Variants in DCDC1 observed in about 807,000 individuals in gnomAD.
DCDC1 encodes the protein doublecortin domain-containing protein 1.
Under a neutral mutation model 178.3 loss-of-function variants are expected in DCDC1, and 200 were observed. That is an observed-to-expected ratio of 1.12 (90% CI 1.00 to 1.26). The LOEUF is 1.26. Among genes scored for constraint, DCDC1 ranks in the 50% most tolerant of loss-of-function variants. The pLI is 0.00. For synonymous variants in DCDC1, 690 were observed against 604.8 expected, an observed-to-expected ratio of 1.14 and a Z score of -2.07; for missense variants, 1,983 against 1,749.2, an observed-to-expected ratio of 1.13 and a Z score of -2.38.
intron 9 of DCDC1, among the ~76,000 whole-genome samples, chr11:31,156,639 T>C (rs1965744849): frequency 6.6e-6 from 1 of 152,224 alleles, no homozygotes. Context: ...GTGTGAATTT[T>C]ACATTTGCAA....
intron 27 of DCDC1, 63 bp downstream of exon 27, chr11:30,915,448 T>C (rs1945763337): frequency 1.3e-6 from 2 of 1,572,254 alleles, no homozygotes; most frequent in Non-Finnish European, 1.7e-6. Flanking sequence ...GTGGGGACCA[T>C]GCTAGACTTA....
At chr11:30,928,820 C>G (rs1414711526) in intron 22 of DCDC1, among the ~76,000 whole-genome samples, 1 of 150,954 alleles carries the variant, frequency 6.6e-6, no homozygotes, top group Non-Finnish European at 1.5e-5. Context: ...ATGCTGAACA[C>G]TATGAAATAT....
At position 30,925,314 on chromosome 11, in the gene DCDC1, C is replaced by A. The variant is rs998182775; in HGVS notation, c.2992G>T (p.Glu998Ter). Residue 998 changes from glutamate to a stop codon, truncating the protein, a stop_gained, in exon 23 of 39, where the codon GAA becomes TAA. Transcript: ENST00000684477. LOFTEE classifies it high-confidence loss of function. ...TTTCAAATCCATGTCTTTACCAGTT[C>A]ATCTCTTTGCAGGTCTTTTAAGGCA... Reference protein sequence around the residue: ...IFALKDLQRDELVYVSCGELW... With the variant: ...IFALKDLQRD 1.9e-6 allele frequency: 3 copies of A among 1,612,752 alleles called. No individual in the cohort carries two copies. The highest frequency in any genetic ancestry group is 2.5e-6 in the Non-Finnish European group (3 of 1,179,110).
intron 9 of DCDC1, among the ~76,000 whole-genome samples, chr11:31,214,253 C>T (rs1973245031): frequency 6.6e-6 from 1 of 151,980 alleles, no homozygotes; most frequent in African/African-American, 2.4e-5. Flanking sequence ...AAAATACAGT[C>T]TTTATTTACC....
chr11:30,922,686 A>G, intron 23 of DCDC1, 48 bp from the exon 24 acceptor site: 1 of 1,434,594 alleles, frequency 7.0e-7, no homozygotes, highest in Non-Finnish European at 9.1e-7. Flanking sequence ...TCACAGCAGC[A>G]TTATCTGTAA....
chr11:31,235,310 T>G (rs1306471167), intron 9 of DCDC1, among the ~76,000 whole-genome samples: 26 of 151,830 alleles, frequency 1.7e-4, no homozygotes, highest in Admixed American at 1.7e-3. Context: ...AATAATATAT[T>G]AATGCCAAAT....
At chr11:30,865,686 A>G (rs1157446534) in intron 38 of DCDC1, among the ~76,000 whole-genome samples, 1 of 152,186 alleles carries the variant, frequency 6.6e-6, no homozygotes, top group Non-Finnish European at 1.5e-5. Flanking sequence ...AGCAAGGTTT[A>G]ACTAAAATTG....
chr11:30,970,358 A>G (rs1158071028), intron 20 of DCDC1, among the ~76,000 whole-genome samples: 4 of 152,130 alleles, frequency 2.6e-5, no homozygotes, highest in African/African-American at 4.8e-5. Context: ...CTGGGGTCCA[A>G]CAGCCCCTAC....
Position 31,064,499 on chromosome 11 carries a change from TCCAGTTTCCTCA to T in DCDC1, c.2549_2560del (p.Val850_Leu853del), listed in dbSNP as rs1233961702. 4 of 765,858 alleles carry T rather than the reference TCCAGTTTCCTCA, an allele frequency of 5.2e-6. No homozygotes were observed. In the South Asian group the frequency reaches 5.4e-5, roughly 10 times the overall value. The allele number at this position is 765,858 out of a possible 1,614,324, so 47.4% of individuals were successfully genotyped here. On this transcript the variant is annotated inframe_deletion, in exon 20 of 39. Coordinates refer to ENST00000684477, the MANE Select transcript of DCDC1 (RefSeq NM_001387274.1). ...AGCAGAAGCCTTAGGATGTTTCTCT[TCCAGTTTCCTCA>T]CCAGTGCTACTGTCAGCTCCCCCGT... is the stretch of plus-strand genomic sequence containing the variant.
intron 9 of DCDC1, among the ~76,000 whole-genome samples, chr11:31,184,107 G>C (rs1455410105): frequency 6.6e-6 from 1 of 152,150 alleles, no homozygotes; most frequent in Non-Finnish European, 1.5e-5. Flanking sequence ...CAATGGAACA[G>C]AACAGATGCC....
intron 16 of DCDC1, among the ~76,000 whole-genome samples, chr11:31,092,715 G>T (rs1397256265): frequency 6.6e-6 from 1 of 152,146 alleles, no homozygotes; most frequent in Non-Finnish European, 1.5e-5. Context: ...TGAAATGAAA[G>T]AATATGGGAT....
chr11:30,998,536 T>C (rs1951397454), intron 20 of DCDC1, among the ~76,000 whole-genome samples: 1 of 107,552 alleles, frequency 9.3e-6, no homozygotes, highest in African/African-American at 3.0e-5. Context: ...ATATTTTCCT[T>C]GCAAAAGAAT....
intron 1 of DCDC1, among the ~76,000 whole-genome samples, chr11:31,366,550 C>G (rs545728055): frequency 2.0e-5 from 3 of 152,208 alleles, no homozygotes; most frequent in Non-Finnish European, 4.4e-5. Flanking sequence ...AGAGATAGGC[C>G]TTAAAGCAGG....
chr11:31,312,496 A>G (rs1325697558), intron 3 of DCDC1, among the ~76,000 whole-genome samples: 1 of 152,180 alleles, frequency 6.6e-6, no homozygotes, highest in Non-Finnish European at 1.5e-5. Context: ...TTTCCAGAAG[A>G]GATTAGCATT....
At chr11:30,946,873 G>A (rs541645611) in intron 21 of DCDC1, among the ~76,000 whole-genome samples, 1 of 152,308 alleles carries the variant, frequency 6.6e-6, no homozygotes, top group African/African-American at 2.4e-5. Flanking sequence ...ATTTGGTCTT[G>A]CAGAGGAAGG....
intron 24 of DCDC1, 79 bp from the exon 25 acceptor site, chr11:30,921,014 A>C: frequency 7.1e-7 from 1 of 1,410,796 alleles, no homozygotes; most frequent in Non-Finnish European, 9.5e-7. Context: ...ACACACTAAA[A>C]TACAAATGCA....
At chr11:31,123,658 TGA>T (rs1268465423) in intron 11 of DCDC1, among the ~76,000 whole-genome samples, 10 of 151,954 alleles carry the variant, frequency 6.6e-5, no homozygotes, top group Non-Finnish European at 1.5e-5. Flanking sequence ...ACTTATTTTC[TGA>T]GAGAAGCTAG....
intron 20 of DCDC1, among the ~76,000 whole-genome samples, chr11:31,049,014 G>A (rs1348194448): frequency 6.6e-6 from 1 of 152,214 alleles, no homozygotes; most frequent in Non-Finnish European, 1.5e-5. Context: ...ATAAGAGACT[G>A]ATATTTGGTA....
intron 9 of DCDC1, among the ~76,000 whole-genome samples, chr11:31,212,125 T>C (rs1463056155): frequency 1.3e-5 from 2 of 151,890 alleles, no homozygotes; most frequent in African/African-American, 4.8e-5. Flanking sequence ...AGTAATACCT[T>C]TTAAAGTTTT....
Sources: gnomAD v4.1 joint callset for allele counts (sites outside exome capture counted in the v4.1 genomes callset) on GRCh38, gnomAD v4.1.1 for gene constraint, MANE v1.5 for transcripts, NCBI Gene and HGNC (gene_info 2026-07-23, HGNC 2026-07-21) for gene names.